PYGB: variants seen among roughly 807,000 people sequenced by gnomAD.
PYGB encodes glycogen phosphorylase B.
PYGB carries 82 observed loss-of-function variants against 94.3 expected under a neutral mutation model. The ratio of observed to expected loss-of-function variants is 0.87; its 90% CI spans 0.73 to 1.04. The LOEUF (loss-of-function observed/expected upper bound fraction) is 1.04, where lower values mean the gene tolerates loss of function less well. Ranked by LOEUF, PYGB falls within the 50% of genes least tolerant of loss-of-function variation. The pLI is 0.00. For missense variants in PYGB, 1,132 were observed against 1,158.2 expected, an observed-to-expected ratio of 0.98 and a Z score of 0.33; for synonymous variants, 488 against 479.1, an observed-to-expected ratio of 1.02 and a Z score of -0.24.
Position 25,296,755 on chromosome 20 carries a change from T to A in PYGB, c.*233T>A. ...AAGCCAGAGTTGACAGTACAAAGGG[T>A]CGTGGCCAGCCCTGCAGCTTCAGCA... On this transcript the variant is annotated 3_prime_UTR_variant, in exon 20 of 20. Transcript: ENST00000216962. The A allele has an allele frequency of 3.5e-6, 2 of 567,552 alleles. No homozygotes were observed. The highest frequency in any genetic ancestry group is 6.0e-6 in the Non-Finnish European group (2 of 333,938). The allele number at this position is 567,552 out of a possible 1,614,324, so 35.2% of individuals were successfully genotyped here.
intron 2 of PYGB, among the ~76,000 whole-genome samples, chr20:25,264,728 A>G (rs1432540318): frequency 1.3e-5 from 2 of 152,232 alleles, no homozygotes; most frequent in Non-Finnish European, 2.9e-5. Flanking sequence ...AGGGATGTGA[A>G]GGACCTCTTC....
At chr20:25,293,749 C>T (rs935000139) in intron 17 of PYGB, among the ~76,000 whole-genome samples, 8 of 152,202 alleles carry the variant, frequency 5.3e-5, no homozygotes, top group Non-Finnish European at 1.0e-4. Flanking sequence ...TTTCCATCTT[C>T]GAGGTCCCAG....
chr20:25,250,491 G>C (rs1032511078), intron 1 of PYGB, among the ~76,000 whole-genome samples: 1 of 152,220 alleles, frequency 6.6e-6, no homozygotes, highest in African/African-American at 2.4e-5. Context: ...CTCACAGTGT[G>C]TAAATAAGCT....
Position 25,278,403 on chromosome 20 carries a change from T to C in PYGB, c.940T>C (p.Ser314Pro), listed in dbSNP as rs2123566086. The stretch of plus-strand genomic sequence containing the variant: ...CCAGGACATCATCCGCCGCTTCAAG[T>C]CGTCCAAGTTCGGCTGCCGGGACCC... Reference protein sequence around the residue: ...TLQDIIRRFKSSKFGCRDPVR... With the variant: ...TLQDIIRRFKPSKFGCRDPVR... Residue 314 changes from serine (S) to proline (P), a missense_variant, in exon 8 of 20, where the codon TCG becomes CCG. Coordinates refer to ENST00000216962, the MANE Select transcript of PYGB (RefSeq NM_002862.4). 3 of 1,612,768 alleles carry C rather than the reference T, an allele frequency of 1.9e-6. No individual in the cohort carries two copies. Among genetic ancestry groups the C allele is most frequent in the Non-Finnish European group, 2.5e-6 (3 of 1,179,672 alleles).
chr20:25,258,670 G>A (rs1205229608), intron 1 of PYGB, among the ~76,000 whole-genome samples: 2 of 152,258 alleles, frequency 1.3e-5, no homozygotes, highest in Non-Finnish European at 2.9e-5. Context: ...GCTGGCTCAT[G>A]TGGCAACCCC....
intron 1 of PYGB, among the ~76,000 whole-genome samples, chr20:25,255,859 G>A (rs1013580722): frequency 1.3e-5 from 2 of 151,776 alleles, no homozygotes; most frequent in East Asian, 1.9e-4. Context: ...TCAGCCTTCC[G>A]AATAGGTGGG....
intron 14 of PYGB, among the ~76,000 whole-genome samples, chr20:25,287,090 C>T (rs1481149961): frequency 6.6e-6 from 1 of 152,214 alleles, no homozygotes; most frequent in Non-Finnish European, 1.5e-5. Context: ...CGCTCATCCC[C>T]TTTTTGTAGG....
chr20:25,252,449 C>T (rs146248524), intron 1 of PYGB, among the ~76,000 whole-genome samples: 2 of 152,326 alleles, frequency 1.3e-5, no homozygotes, highest in Non-Finnish European at 2.9e-5. Flanking sequence ...GATGTAGCCT[C>T]GGATCCCACA....
intron 2 of PYGB, among the ~76,000 whole-genome samples, chr20:25,264,127 T>C (rs575473467): frequency 6.6e-5 from 10 of 152,298 alleles, no homozygotes; most frequent in African/African-American, 2.4e-4. Context: ...GTTCAACATA[T>C]GCAAATCAAC....
chr20:25,273,455 A>G (rs1469591595), intron 4 of PYGB, among the ~76,000 whole-genome samples: 1 of 152,136 alleles, frequency 6.6e-6, no homozygotes, highest in African/African-American at 2.4e-5. Context: ...ATGAAGAGGA[A>G]ATCCCTCAGT....
chr20:25,248,924 ATCAC>A, intron 1 of PYGB, among the ~76,000 whole-genome samples: 1 of 152,242 alleles, frequency 6.6e-6, no homozygotes, highest in East Asian at 1.9e-4. Context: ...TTAGAAGAAA[ATCAC>A]TGAAGATGCC....
intron 2 of PYGB, among the ~76,000 whole-genome samples, chr20:25,266,812 C>T (rs1004188116): frequency 5.9e-5 from 9 of 152,158 alleles, no homozygotes; most frequent in Non-Finnish European, 8.8e-5. Flanking sequence ...AATGAGACGC[C>T]GCTGTATTCC....
chr20:25,259,416 G>A (rs934671822), intron 2 of PYGB, 78 bp downstream of exon 2: 1 of 1,141,308 alleles, frequency 8.8e-7, no homozygotes, highest in East Asian at 2.4e-5. Context: ...CCACAGAGGT[G>A]AGCCCTGATG....
chr20:25,296,942 G>A lies in PYGB; in HGVS notation c.*420G>A, dbSNP rs201927795. ...GTGAAGCCTGGGAATGAGTGTTACT[G>A]CAGCATCTGGGCTGCCAGCCACAGG... is the stretch of plus-strand genomic sequence containing the variant. On this transcript the variant is annotated 3_prime_UTR_variant, in exon 20 of 20. Transcript: ENST00000216962. 2.9e-5 allele frequency: 5 copies of A among 171,170 alleles called. No individual in the cohort carries two copies. The East Asian group carries it at 9.0e-4, about 31-fold the overall frequency. 10.6% of individuals were successfully genotyped at this position (171,170 alleles called of 1,614,324 possible). A position where few individuals can be genotyped will look rare whatever the true frequency, so the allele number is the denominator to read the frequency against.
chr20:25,275,209 T>G (rs2088300356), intron 5 of PYGB, among the ~76,000 whole-genome samples: 1 of 152,086 alleles, frequency 6.6e-6, no homozygotes, highest in Non-Finnish European at 1.5e-5. Context: ...GCCCCTGGAG[T>G]GTGTGCGAGG....
chr20:25,271,822 C>T (rs1168018430), intron 4 of PYGB, among the ~76,000 whole-genome samples: 1 of 152,242 alleles, frequency 6.6e-6, no homozygotes, highest in Non-Finnish European at 1.5e-5. Flanking sequence ...TCTGGTGACC[C>T]TCTGCACCAA....
At chr20:25,293,847 G>T (rs1408592865) in intron 17 of PYGB, 2 of 403,888 alleles carry the variant, frequency 5.0e-6, no homozygotes, top group African/African-American at 4.2e-5. Flanking sequence ...CAAGTTCTGA[G>T]TGGCCCTCTC....
chr20:25,284,423 G>C (rs372019498), intron 14 of PYGB, among the ~76,000 whole-genome samples, 172 bp downstream of exon 14: 5 of 152,178 alleles, frequency 3.3e-5, no homozygotes, highest in African/African-American at 4.8e-5. Context: ...TTTTCTGTGT[G>C]CCCCATGCCA....
At chr20:25,256,056 G>T (rs1213934961) in intron 1 of PYGB, among the ~76,000 whole-genome samples, 1 of 152,106 alleles carries the variant, frequency 6.6e-6, no homozygotes, top group African/African-American at 2.4e-5. Context: ...TTGTTTCCCT[G>T]AATGTTGGGA....
Sources: gnomAD v4.1 joint callset for allele counts (sites outside exome capture counted in the v4.1 genomes callset) on GRCh38, gnomAD v4.1.1 for gene constraint, MANE v1.5 for transcripts, NCBI Gene and HGNC (gene_info 2026-07-23, HGNC 2026-07-21) for gene names.